Variants in OSBPL5 observed in about 807,000 individuals in gnomAD.
OSBPL5 encodes oxysterol-binding protein-related protein 5.
Under a neutral mutation model 111.2 loss-of-function variants are expected in OSBPL5, and 71 were observed. That is an observed-to-expected ratio of 0.64 (90% CI 0.53 to 0.78). The LOEUF (loss-of-function observed/expected upper bound fraction) is 0.78, where lower values mean the gene tolerates loss of function less well. Ranked by LOEUF, OSBPL5 falls within the 30% of genes least tolerant of loss-of-function variation. The pLI is 0.00. For missense variants in OSBPL5, 1,210 were observed against 1,189.3 expected, an observed-to-expected ratio of 1.02 and a Z score of -0.26; for synonymous variants, 549 against 513.9, an observed-to-expected ratio of 1.07 and a Z score of -0.93.
In OSBPL5 at chr11:3,104,638, C is replaced by T. The variant is rs1356271011; in HGVS notation, c.1060-261G>A. Among the ~76,000 whole-genome samples, 1 of 151,934 alleles carries T rather than the reference C, an allele frequency of 6.6e-6. No individual in the cohort carries two copies. The highest frequency in any genetic ancestry group is 2.4e-5 in the African/African-American group (1 of 41,392). Reference sequence around the variant, plus strand: ...GTCTCTGCTCCTTGCCCAGGGACCCCATGCCCTGCCCTCCTCAAAGTCCAG... The same window carrying T: ...GTCTCTGCTCCTTGCCCAGGGACCCTATGCCCTGCCCTCCTCAAAGTCCAG... On this transcript the variant is annotated intron_variant, in intron 9 of 21. Transcript: ENST00000263650. This position sits in a 1 kb window ranked among gnomAD's most constrained non-coding sequence, Gnocchi z 5.0.
chr11:3,154,282 G>A lies in OSBPL5; in HGVS notation c.-22+10934C>T, dbSNP rs1340703050. Among the ~76,000 whole-genome samples the A allele has an allele frequency of 6.6e-6, 1 of 152,236 alleles. No homozygotes were observed. Among genetic ancestry groups the A allele is most frequent in the African/African-American group, 2.4e-5 (1 of 41,462 alleles). ...TGCGTGCAGCACCTGCCAGTAGGTA[G>A]CAGGATGTGTCGTAGAGGGCTTGCT... On this transcript the variant is annotated intron_variant, in intron 1 of 21. Coordinates refer to ENST00000263650, the MANE Select transcript of OSBPL5 (RefSeq NM_020896.4). The surrounding 1 kb of genome is among the most constrained non-coding windows in gnomAD (Gnocchi z 4.9).
At chr11:3,117,372 C>CTT (rs1858249505) in intron 7 of OSBPL5, among the ~76,000 whole-genome samples, 1 of 152,192 alleles carries the variant, frequency 6.6e-6, no homozygotes, top group South Asian at 2.1e-4. Flanking sequence ...ATTCGCCCAA[C>CTT]TTATAGGTGT....
At chr11:3,120,288 G>C in intron 6 of OSBPL5, 133 bp downstream of exon 6, 4 of 1,102,626 alleles carry the variant, frequency 3.6e-6, no homozygotes, top group Non-Finnish European at 5.2e-6. Context: ...GTGGGGCTCA[G>C]AGAAGGTGAG....
intron 1 of OSBPL5, among the ~76,000 whole-genome samples, chr11:3,133,565 G>A (rs1845869940): frequency 6.6e-6 from 1 of 152,242 alleles, no homozygotes; most frequent in African/African-American, 2.4e-5. Flanking sequence ...CATGCCCTGG[G>A]GGGCTGGCCT....
chr11:3,140,222 TCCC>T lies in OSBPL5; in HGVS notation c.-21-11056_-21-11054del, dbSNP rs1846066300. 6.6e-6 allele frequency among the ~76,000 whole-genome samples: 1 copy of T among 152,118 alleles called. No homozygotes were observed. Among genetic ancestry groups the T allele is most frequent in the South Asian group, 2.1e-4 (1 of 4,826 alleles). ...GGGAGGGGATAATTGCAGTGGTGTCTCCCTGGCCAGGCTGCTGAGTTCAGCTCT... is the reference window on the plus strand; with the variant it reads ...GGGAGGGGATAATTGCAGTGGTGTCTTGGCCAGGCTGCTGAGTTCAGCTCT... On this transcript the variant is annotated intron_variant, in intron 1 of 21. Transcript: ENST00000263650. The surrounding 1 kb of genome is among the most constrained non-coding windows in gnomAD (Gnocchi z 4.5).
At position 3,101,667 on chromosome 11, in the gene OSBPL5, G is replaced by T; in HGVS notation, c.1458C>A (p.His486Gln). 6.2e-7 allele frequency: 1 copy of T among 1,613,892 alleles called. No individual in the cohort carries two copies. The highest frequency in any genetic ancestry group is 1.1e-5 in the South Asian group (1 of 91,082). ...VSHHPPVSAF[H>Q]VSNRKDGFCI... is the part of the protein sequence containing the mutation. ...AGAAGCCGTCCTTCCGGTTGCTGAC[G>T]TGGAAGGCAGACACGGGCGGGTGGT... Residue 486 changes from histidine (H) to glutamine (Q), a missense_variant, in exon 13 of 22, where the codon CAC becomes CAA. His to Gln is a conservative substitution (Grantham distance 24). Transcript: ENST00000263650.
chr11:3,134,763 G>A (rs1011558729), intron 1 of OSBPL5, among the ~76,000 whole-genome samples: 2 of 151,824 alleles, frequency 1.3e-5, no homozygotes, highest in Non-Finnish European at 1.5e-5. Context: ...CTTCAGCTGC[G>A]TGAGTGGGTC....
At chr11:3,093,959 C>A in intron 15 of OSBPL5, 124 bp from the exon 16 acceptor site, 1 of 1,180,150 alleles carries the variant, frequency 8.5e-7, no homozygotes, top group Non-Finnish European at 1.2e-6. Flanking sequence ...GGGATGGACC[C>A]AACCCTCGCC....
Position 3,127,626 on chromosome 11 carries a change from T to C in OSBPL5, c.137-1071A>G, listed in dbSNP as rs544445771. ...CTGACCCGGAGTGCTGGGGGGAGGC[T>C]AGCAGGAGCGCTCTTCCCTCTGGCA... On this transcript the variant is annotated intron_variant, in intron 2 of 21. Transcript: ENST00000263650. Among the ~76,000 whole-genome samples, 355 of 152,302 alleles carry C rather than the reference T, an allele frequency of 2.3e-3. 3 individuals carry two copies. The highest frequency in any genetic ancestry group is 0.01 in the Middle Eastern group (3 of 294).
intron 7 of OSBPL5, among the ~76,000 whole-genome samples, chr11:3,114,311 T>G (rs902945811): frequency 1.3e-5 from 2 of 152,082 alleles, no homozygotes; most frequent in African/African-American, 2.4e-5. Flanking sequence ...TAAGAAAGCT[T>G]AAAGAGAAAT....
intron 1 of OSBPL5, among the ~76,000 whole-genome samples, chr11:3,152,539 C>CCT (rs1204673282): frequency 6.6e-6 from 1 of 152,150 alleles, no homozygotes; most frequent in Non-Finnish European, 1.5e-5. Context: ...CACCAGGTCC[C>CCT]CTTCCAGGGA....
At chr11:3,116,716 G>A (rs1206529073) in intron 7 of OSBPL5, among the ~76,000 whole-genome samples, 2 of 152,122 alleles carry the variant, frequency 1.3e-5, no homozygotes, top group East Asian at 1.9e-4. Context: ...TTAGCTGGGT[G>A]TGGTGGCGGA....
chr11:3,129,393 T>G, intron 1 of OSBPL5: 1 of 344,314 alleles, frequency 2.9e-6, no homozygotes, highest in Non-Finnish European at 5.2e-6. Flanking sequence ...CGCCGGGCAG[T>G]AGGGCTGGAC....
At chr11:3,112,985 T>G (rs892112836) in intron 7 of OSBPL5, among the ~76,000 whole-genome samples, 2 of 152,244 alleles carry the variant, frequency 1.3e-5, no homozygotes, top group African/African-American at 4.8e-5. Context: ...ACCTATGAGA[T>G]GTACTTCTAT....
At chr11:3,127,636 G>A (rs1027392420) in intron 2 of OSBPL5, among the ~76,000 whole-genome samples, 1 of 152,252 alleles carries the variant, frequency 6.6e-6, no homozygotes, top group Non-Finnish European at 1.5e-5. Context: ...TAGCAGGAGC[G>A]CTCTTCCCTC....
intron 7 of OSBPL5, among the ~76,000 whole-genome samples, chr11:3,114,379 GTTGT>G (rs1305863336): frequency 1.3e-5 from 2 of 152,030 alleles, no homozygotes; most frequent in South Asian, 2.1e-4. Context: ...AAAATGACTG[GTTGT>G]TTAAGAAAGA....
chr11:3,115,816 T>A (rs1356211236), intron 7 of OSBPL5, among the ~76,000 whole-genome samples: 3 of 152,030 alleles, frequency 2.0e-5, no homozygotes, highest in Admixed American at 6.6e-5. Flanking sequence ...CATGATGTTA[T>A]TAGGGCTTAT....
chr11:3,108,405 C>T (rs1233871193), intron 7 of OSBPL5, among the ~76,000 whole-genome samples: 2 of 152,132 alleles, frequency 1.3e-5, no homozygotes, highest in East Asian at 1.9e-4. Context: ...GGAGGAGGGT[C>T]CTCCCTCACT....
intron 1 of OSBPL5, among the ~76,000 whole-genome samples, chr11:3,156,787 C>G (rs757621247): frequency 6.6e-6 from 1 of 152,358 alleles, no homozygotes; most frequent in South Asian, 2.1e-4. Context: ...CCACACAGGC[C>G]GAGGGCCGGC....
Sources: allele counts gnomAD v4.1 joint callset (sites outside exome capture counted in the v4.1 genomes callset), GRCh38; gene constraint gnomAD v4.1.1; non-coding constraint Gnocchi (gnomAD v3.1); transcripts MANE v1.5; gene names NCBI Gene and HGNC (gene_info 2026-07-23, HGNC 2026-07-21).